The following ME2 variants were observed in gnomAD, a reference collection of about 807,000 sequenced individuals.
The protein encoded by ME2 is malic enzyme 2.
ME2 carries 60 observed loss-of-function variants against 73.7 expected under a neutral mutation model. That is an observed-to-expected ratio of 0.81 (90% CI 0.66 to 1.01). The LOEUF (loss-of-function observed/expected upper bound fraction) is 1.01, where lower values mean the gene tolerates loss of function less well. Ranked by LOEUF, ME2 falls within the 50% of genes least tolerant of loss-of-function variation. The probability of loss-of-function intolerance (pLI) is 0.00; values close to 1 mark genes in which losing one functional copy is unlikely to be tolerated. For synonymous variants in ME2, 199 were observed against 236.9 expected, an observed-to-expected ratio of 0.84 and a Z score of 1.47; for missense variants, 594 against 705.5, an observed-to-expected ratio of 0.84 and a Z score of 1.79.
chr18:50,887,116 G>A (rs971712361), intron 1 of ME2, among the ~76,000 whole-genome samples: 2 of 152,182 alleles, frequency 1.3e-5, no homozygotes, highest in Non-Finnish European at 2.9e-5. Flanking sequence ...GCCTCATTCC[G>A]GCCCTGACGT....
chr18:50,931,647 C>G (rs962176153), intron 12 of ME2, among the ~76,000 whole-genome samples: 1 of 151,310 alleles, frequency 6.6e-6, no homozygotes, highest in Non-Finnish European at 1.5e-5. Flanking sequence ...ATTTATTGGC[C>G]GTCTACATTT....
intron 15 of ME2, among the ~76,000 whole-genome samples, chr18:50,944,318 C>T (rs1271472129): frequency 6.6e-6 from 1 of 152,144 alleles, no homozygotes; most frequent in East Asian, 1.9e-4. Flanking sequence ...GCAACAGAGG[C>T]CCAGGTTCAT....
rs1467449309 is a variant in ME2, at chr18:50,924,104, A to G, written c.1063A>G (p.Lys355Glu). The change falls in exon 11 of 16, where the codon AAA becomes GAA. Residue 355 changes from lysine to glutamate, a missense_variant. Transcript: ENST00000321341. ...ATTTTATCTCAAAATTTAGGGACGGAAAGCAAAAATAGATAGTTATCAGGA... is the reference window on the plus strand; with the variant it reads ...ATTTTATCTCAAAATTTAGGGACGGGAAGCAAAAATAGATAGTTATCAGGA... ...DKYGLLVKGRKAKIDSYQEPF... is the reference protein window; with the variant it reads ...DKYGLLVKGREAKIDSYQEPF... 6.2e-7 allele frequency: 1 copy of G among 1,608,448 alleles called. No homozygotes were observed. The highest frequency in any genetic ancestry group is 1.1e-5 in the South Asian group (1 of 89,490).
chr18:50,921,620 A>G (rs1272761018), intron 10 of ME2, among the ~76,000 whole-genome samples: 1 of 152,170 alleles, frequency 6.6e-6, no homozygotes, highest in Non-Finnish European at 1.5e-5. Context: ...TCTGTCACCC[A>G]GGCTGGAGTG....
Position 50,912,769 on chromosome 18 carries a change from A to G in ME2, c.243-32A>G. ...AAGACTTTTAATGTAATGCAGGCTGACTTAGACATTATTTACTGTGCTTCA... is the reference window on the plus strand; with the variant it reads ...AAGACTTTTAATGTAATGCAGGCTGGCTTAGACATTATTTACTGTGCTTCA... On this transcript the variant is annotated intron_variant, in intron 3 of 15. Coordinates refer to ENST00000321341, the MANE Select transcript of ME2 (RefSeq NM_002396.5). 2.7e-6 allele frequency: 4 copies of G among 1,491,598 alleles called. No homozygotes were observed. In the South Asian group the frequency reaches 5.5e-5, roughly 20 times the overall value. The allele number at this position is 1,491,598 out of a possible 1,614,324, so 92.4% of individuals were successfully genotyped here. A position where few individuals can be genotyped will look rare whatever the true frequency, so the allele number is the denominator to read the frequency against.
chr18:50,900,656 T>G (rs1371627103), intron 2 of ME2, among the ~76,000 whole-genome samples: 1 of 152,112 alleles, frequency 6.6e-6, no homozygotes, highest in Non-Finnish European at 1.5e-5. Context: ...CACCCAAATC[T>G]CATCTTGAAT....
chr18:50,903,180 A>C (rs1916931902), intron 2 of ME2, among the ~76,000 whole-genome samples: 1 of 152,200 alleles, frequency 6.6e-6, no homozygotes, highest in South Asian at 2.1e-4. Flanking sequence ...GAGGATGATC[A>C]TTTCTGCTTA....
rs1018674282 is a variant in ME2 at position 50,894,799 on chromosome 18, C to T, written c.-12-1010C>T. 7.3e-5 allele frequency among the ~76,000 whole-genome samples: 11 copies of T among 151,278 alleles called. No individual in the cohort carries two copies. The South Asian group carries it at 2.3e-3, about 32-fold the overall frequency. ...GGCTGAGGCAGGAGAATGGCGTGAA[C>T]CCGGGAGGTGGAGCTTGCAGTGAGC... On this transcript the variant is annotated intron_variant, in intron 1 of 15. Coordinates refer to ENST00000321341, the MANE Select transcript of ME2 (RefSeq NM_002396.5).
intron 12 of ME2, 44 bp from the exon 13 acceptor site, chr18:50,932,214 C>T: frequency 6.5e-7 from 1 of 1,529,432 alleles, no homozygotes; most frequent in Non-Finnish European, 9.0e-7. Context: ...ATTTTCTCAT[C>T]CACAGAAAAT....
chr18:50,919,356 G>C, intron 7 of ME2, among the ~76,000 whole-genome samples: 1 of 152,074 alleles, frequency 6.6e-6, no homozygotes, highest in East Asian at 1.9e-4. Flanking sequence ...AAAATTGCTG[G>C]CACGTAGAAG....
At chr18:50,912,661 AG>A (rs1224019329) in intron 3 of ME2, 139 bp from the exon 4 acceptor site, 1 of 632,714 alleles carries the variant, frequency 1.6e-6, no homozygotes, top group East Asian at 3.0e-5. Flanking sequence ...TAATAATCTA[AG>A]GTTTTGGGTT....
intron 1 of ME2, among the ~76,000 whole-genome samples, chr18:50,887,114 C>T (rs1258877816): frequency 6.6e-6 from 1 of 152,218 alleles, no homozygotes; most frequent in African/African-American, 2.4e-5. Flanking sequence ...AGGCCTCATT[C>T]CGGCCCTGAC....
At chr18:50,931,205 A>G (rs527279145) in intron 12 of ME2, among the ~76,000 whole-genome samples, 22 of 152,352 alleles carry the variant, frequency 1.4e-4, no homozygotes, top group Admixed American at 1.2e-3. Flanking sequence ...TCAAAATTGG[A>G]TAGATGTGAC....
At chr18:50,927,532 C>T (rs960074627) in intron 12 of ME2, among the ~76,000 whole-genome samples, 2 of 151,434 alleles carry the variant, frequency 1.3e-5, no homozygotes, top group African/African-American at 4.8e-5. Flanking sequence ...AACCCCGTCT[C>T]TACTAAAAAT....
chr18:50,914,769 G>A (rs1264612547), intron 4 of ME2, among the ~76,000 whole-genome samples: 1 of 152,174 alleles, frequency 6.6e-6, no homozygotes, highest in Admixed American at 6.5e-5. Context: ...TTAAACCTAA[G>A]ATCAGTTTGA....
chr18:50,948,925 T>G lies in ME2; in HGVS notation c.*1741T>G, dbSNP rs957242644. 17 of 149,760 alleles carry G rather than the reference T, an allele frequency of 1.1e-4. No individual in the cohort carries two copies. The highest frequency in any genetic ancestry group is 4.2e-4 in the African/African-American group (17 of 40,574). The allele number at this position is 149,760 out of a possible 1,614,324, so 9.3% of individuals were successfully genotyped here. ...GTAGTGGCATGATCTCTGCAACCTC[T>G]GCCTCCTCGGTTCAGGCGATTCTTC... is the stretch of plus-strand genomic sequence containing the variant. On this transcript the variant is annotated 3_prime_UTR_variant, in exon 16 of 16. Coordinates refer to ENST00000321341, the MANE Select transcript of ME2 (RefSeq NM_002396.5).
intron 1 of ME2, among the ~76,000 whole-genome samples, chr18:50,884,239 T>C: frequency 6.6e-6 from 1 of 152,372 alleles, no homozygotes; most frequent in Admixed American, 6.5e-5. Flanking sequence ...TGTTTTATCT[T>C]TAATTATAAT....
At chr18:50,900,326 G>A (rs868188799) in intron 2 of ME2, among the ~76,000 whole-genome samples, 18 of 150,060 alleles carry the variant, frequency 1.2e-4, no homozygotes, top group South Asian at 4.2e-4. Flanking sequence ...ATGGAGTCTC[G>A]CTCTGTTGCC....
chr18:50,936,645 G>T (rs1917826054), intron 13 of ME2, among the ~76,000 whole-genome samples: 1 of 152,146 alleles, frequency 6.6e-6, no homozygotes, highest in Non-Finnish European at 1.5e-5. Context: ...ATAATGTGGA[G>T]CTGGGGACAT....
Sources: gnomAD v4.1 joint callset for allele counts (sites outside exome capture counted in the v4.1 genomes callset) on GRCh38, gnomAD v4.1.1 for gene constraint, MANE v1.5 for transcripts, NCBI Gene and HGNC (gene_info 2026-07-23, HGNC 2026-07-21) for gene names.